The following UNC13C variants were observed in gnomAD, a reference collection of about 807,000 sequenced individuals.
UNC13C encodes the protein protein unc-13 homolog C.
A neutral mutation model predicts 245.4 loss-of-function variants in UNC13C; 174 were observed. The observed-to-expected ratio is 0.71, with a 90% confidence interval of 0.63 to 0.80. The LOEUF is 0.80. Among genes scored for constraint, UNC13C ranks in the 30% least tolerant of loss-of-function variants. UNC13C has a pLI of 0.00. For missense variants in UNC13C, 2,829 were observed against 2,602.9 expected (o/e 1.09, Z -1.89); for synonymous variants, 992 against 895.1 (o/e 1.11, Z -1.93).
chr15:54,455,164 C>CCTCTCTCTCTCTCT (rs1203605020), intron 19 of UNC13C, among the ~76,000 whole-genome samples: 8 of 17,520 alleles, frequency 4.6e-4, no homozygotes, highest in African/African-American at 7.7e-4. Flanking sequence ...GAGTCATATT[C>CCTCTCTCTCTCTCT]CTCTCTCTCT....
intron 30 of UNC13C, among the ~76,000 whole-genome samples, chr15:54,580,791 C>T (rs1898164671): frequency 6.6e-6 from 1 of 152,190 alleles, no homozygotes; most frequent in South Asian, 2.1e-4. Context: ...GCTCCCTAAG[C>T]AAGTAAGCCA....
chr15:54,561,215 C>G (rs150512231), intron 29 of UNC13C, among the ~76,000 whole-genome samples: 1 of 152,092 alleles, frequency 6.6e-6, no homozygotes, highest in East Asian at 1.9e-4. Context: ...CTTTGAGAAG[C>G]AGTGCTGTTC....
intron 4 of UNC13C, among the ~76,000 whole-genome samples, chr15:54,145,530 G>T (rs770346787): frequency 7.9e-5 from 12 of 152,148 alleles, no homozygotes; most frequent in African/African-American, 1.4e-4. Flanking sequence ...TGTGGTGAAA[G>T]ATCATTATGA....
chr15:54,118,109 G>GA (rs771538861), intron 2 of UNC13C, among the ~76,000 whole-genome samples: 111 of 147,214 alleles, frequency 7.5e-4, no homozygotes, highest in African/African-American at 2.1e-3. Context: ...TTTATTTTCA[G>GA]AAAAAAAAAA....
intron 29 of UNC13C, among the ~76,000 whole-genome samples, chr15:54,558,901 CA>C (rs1051738861): frequency 7.2e-5 from 11 of 152,118 alleles, no homozygotes; most frequent in Admixed American, 6.6e-4. Flanking sequence ...CTTTGAGTTC[CA>C]ACCCCATATC....
intron 10 of UNC13C, among the ~76,000 whole-genome samples, chr15:54,269,687 T>C (rs960354594): frequency 1.3e-5 from 2 of 152,054 alleles, no homozygotes; most frequent in African/African-American, 2.4e-5. Context: ...AAATGCATCA[T>C]AGTTCATGGG....
the UNC13C span, among the ~76,000 whole-genome samples, chr15:53,840,232 T>C: frequency 6.6e-6 from 1 of 152,216 alleles, no homozygotes; most frequent in African/African-American, 2.4e-5. Flanking sequence ...CCATGTTCAG[T>C]ATTTTAGCTA....
At chr15:53,979,563 A>T (rs1566928646) in intron 1 of UNC13C, among the ~76,000 whole-genome samples, 1 of 152,228 alleles carries the variant, frequency 6.6e-6, no homozygotes, top group African/African-American at 2.4e-5. Context: ...GTCCAACAGC[A>T]TGAGTAAACC....
At chr15:54,182,012 T>C (rs1196634154) in intron 4 of UNC13C, among the ~76,000 whole-genome samples, 1 of 151,500 alleles carries the variant, frequency 6.6e-6, no homozygotes, top group Admixed American at 6.6e-5. Flanking sequence ...TTTGCCTATT[T>C]TATTGCCTTT....
intron 1 of UNC13C, among the ~76,000 whole-genome samples, chr15:53,996,112 TGAG>T (rs1204922215): frequency 8.5e-5 from 13 of 152,180 alleles, no homozygotes; most frequent in Admixed American, 8.5e-4. Context: ...CTAGAGGTGG[TGAG>T]AAGTGATTCC....
At chr15:54,335,689 C>G (rs1266425031) in intron 16 of UNC13C, among the ~76,000 whole-genome samples, 2 of 152,072 alleles carry the variant, frequency 1.3e-5, no homozygotes, top group African/African-American at 4.8e-5. Context: ...TTGAATGTAT[C>G]AACAATTCAC....
intron 30 of UNC13C, among the ~76,000 whole-genome samples, chr15:54,596,610 T>G (rs974215857): frequency 1.3e-5 from 2 of 152,128 alleles, no homozygotes; most frequent in African/African-American, 4.8e-5. Context: ...ATTTGAATAT[T>G]TTGTCTTTTC....
chr15:53,879,588 C>T, the UNC13C span, among the ~76,000 whole-genome samples: 1 of 151,786 alleles, frequency 6.6e-6, no homozygotes, highest in South Asian at 2.1e-4. Context: ...AATGCTAATT[C>T]TCTCTTTTTA....
intron 27 of UNC13C, among the ~76,000 whole-genome samples, chr15:54,547,149 C>T (rs1896523582): frequency 1.3e-5 from 2 of 152,138 alleles, no homozygotes; most frequent in African/African-American, 4.8e-5. Context: ...TTACCGACCT[C>T]AAGAAAATAG....
At chr15:53,849,309 C>A in the UNC13C span, among the ~76,000 whole-genome samples, 282 of 151,960 alleles carry the variant, frequency 1.9e-3, 1 homozygote, top group African/African-American at 6.5e-3. Context: ...TCCTTTGGAG[C>A]AAGCAATTTT....
At chr15:54,601,974 C>T (rs1899459256) in intron 30 of UNC13C, among the ~76,000 whole-genome samples, 1 of 152,194 alleles carries the variant, frequency 6.6e-6, no homozygotes, top group South Asian at 2.1e-4. Context: ...GACTTGCACT[C>T]CCCTCTTACT....
chr15:54,334,319 A>G (rs1427281545), intron 16 of UNC13C, among the ~76,000 whole-genome samples: 2 of 152,114 alleles, frequency 1.3e-5, no homozygotes, highest in South Asian at 2.1e-4. Context: ...TCACCTATCT[A>G]TTGGTATAAT....
chr15:53,911,854 A>T, the UNC13C span: 1 of 152,242 alleles, frequency 6.6e-6, no homozygotes, highest in Admixed American at 6.5e-5. Context: ...CCTATGAGGG[A>T]TCTTGTGCTG....
chr15:54,038,015 ATTTAT>A (rs1283408117), intron 2 of UNC13C, among the ~76,000 whole-genome samples: 4 of 147,018 alleles, frequency 2.7e-5, no homozygotes, highest in South Asian at 2.1e-4. Context: ...TTAATATTTA[ATTTAT>A]TACAGTTACC....
Sources: gnomAD v4.1 joint callset for allele counts (sites outside exome capture counted in the v4.1 genomes callset) on GRCh38, gnomAD v4.1.1 for gene constraint, MANE v1.5 for transcripts, NCBI Gene and HGNC (gene_info 2026-07-23, HGNC 2026-07-21) for gene names.